Variants in SETD4 observed in about 807,000 individuals in gnomAD.
The protein encoded by SETD4 is SET domain-containing protein 4.
A neutral mutation model predicts 58.3 loss-of-function variants in SETD4; 46 were observed. The observed-to-expected ratio is 0.79, with a 90% CI of 0.62 to 1.01. The LOEUF is 1.01. SETD4 is among the 50% of genes least tolerant of loss of function. SETD4 has a pLI of 0.00. For synonymous variants in SETD4, 190 were observed against 202.6 expected (o/e 0.94, Z 0.53); for missense variants, 490 against 523.3 (o/e 0.94, Z 0.62).
At chr21:36,036,780 C>T (rs190127664) in intron 10 of SETD4, 1 of 231,662 alleles carries the variant, frequency 4.3e-6, no homozygotes, top group Admixed American at 6.5e-5. Context: ...TGGAATCAAC[C>T]TAAGTATTCA....
intron 4 of SETD4, chr21:36,050,631 G>A: frequency 6.2e-7 from 1 of 1,610,876 alleles, no homozygotes; most frequent in Non-Finnish European, 8.5e-7. Flanking sequence ...TGGTGGCCAT[G>A]AAAATTTTGC....
chr21:36,049,086 A>G (rs1024754412), intron 4 of SETD4, among the ~76,000 whole-genome samples: 1 of 152,230 alleles, frequency 6.6e-6, no homozygotes, highest in African/African-American at 2.4e-5. Context: ...CCAACACAGT[A>G]AGCGTCGAAC....
intron 9 of SETD4, among the ~76,000 whole-genome samples, 164 bp downstream of exon 9, chr21:36,040,411 G>C (rs1049974926): frequency 6.6e-6 from 1 of 152,160 alleles, no homozygotes; most frequent in African/African-American, 2.4e-5. Flanking sequence ...TGAAACATTC[G>C]CTACATGGGC....
intron 7 of SETD4, chr21:36,043,358 G>A (rs181295176): frequency 3.4e-6 from 2 of 587,608 alleles, no homozygotes; most frequent in Non-Finnish European, 4.3e-6. Context: ...CAGAAACAAG[G>A]ACTATAGGTA....
intron 10 of SETD4, chr21:36,036,509 C>A (rs1427910330): frequency 4.4e-6 from 2 of 452,630 alleles, no homozygotes; most frequent in African/African-American, 4.3e-5. Flanking sequence ...TCTGTCTCTA[C>A]GAACTCACCT....
intron 4 of SETD4, chr21:36,050,768 T>C (rs1391739141): frequency 3.1e-6 from 5 of 1,612,566 alleles, no homozygotes; most frequent in Non-Finnish European, 4.2e-6. Context: ...GCCATCTTAT[T>C]TGCCATGAAG....
intron 3 of SETD4, among the ~76,000 whole-genome samples, chr21:36,054,255 CAATT>C (rs2064867372): frequency 1.3e-5 from 2 of 152,194 alleles, no homozygotes; most frequent in South Asian, 4.1e-4. Context: ...GCATTAATAC[CAATT>C]AATTCAATAA....
At chr21:36,057,906 G>A (rs530535196) in intron 2 of SETD4, among the ~76,000 whole-genome samples, 1 of 152,278 alleles carries the variant, frequency 6.6e-6, no homozygotes, top group South Asian at 2.1e-4. Flanking sequence ...AAAAAAGTGA[G>A]CTTATCGATA....
chr21:36,046,679 C>T (rs574937966), intron 5 of SETD4, among the ~76,000 whole-genome samples: 3 of 152,308 alleles, frequency 2.0e-5, no homozygotes, highest in Admixed American at 6.5e-5. Context: ...AGCTTTTATT[C>T]CTAAGTTTAC....
In SETD4 at chr21:36,045,683, C is replaced by G. The variant is rs145926295; in HGVS notation, c.625G>C (p.Val209Leu). The change falls in exon 6 of 12, where the codon GTG becomes CTG. Residue 209 changes from valine (V) to leucine (L), a missense_variant. Coordinates refer to ENST00000332131, the MANE Select transcript of SETD4 (RefSeq NM_017438.5). ...TCCCGCTGCCTGGGCCTCAGGTACA[C>G]GGCTCTGGTGTTGACGGTGCACCAA... is the stretch of plus-strand genomic sequence containing the variant. Reference protein sequence around the residue: ...WAWCTVNTRAVYLRPRQRECL... With the variant: ...WAWCTVNTRALYLRPRQRECL... 12 of 1,614,186 alleles carry G rather than the reference C, an allele frequency of 7.4e-6. No individual in the cohort carries two copies. The highest frequency in any genetic ancestry group is 7.6e-6 in the Non-Finnish European group (9 of 1,180,044).
At chr21:36,049,164 G>A (rs975221316) in intron 4 of SETD4, among the ~76,000 whole-genome samples, 2 of 152,164 alleles carry the variant, frequency 1.3e-5, no homozygotes, top group Non-Finnish European at 2.9e-5. Context: ...AGAAAAATTA[G>A]ATGTAAAGTA....
intron 6 of SETD4, among the ~76,000 whole-genome samples, chr21:36,044,421 T>A (rs2064208514): frequency 6.6e-6 from 1 of 152,234 alleles, no homozygotes; most frequent in African/African-American, 2.4e-5. Context: ...GCCCACAGGC[T>A]GTAGTTCGTG....
chr21:36,036,803 TAAAGAA>T (rs916773111), intron 10 of SETD4: 94 of 195,712 alleles, frequency 4.8e-4, no homozygotes, highest in African/African-American at 2.2e-3. Flanking sequence ...AACAGATGAA[TAAAGAA>T]AAAGTGGCAT....
At position 36,040,587 on chromosome 21, in the gene SETD4, T is replaced by TC. The variant is rs767400276; in HGVS notation, c.1051dup (p.Glu351GlyfsTer3). On this transcript the variant is annotated frameshift_variant, in exon 9 of 12. Transcript: ENST00000332131. LOFTEE classifies it high-confidence loss of function. ...ATGTGAAACTTACAATTTCTCAGCT[T>TC]CCAGACATAACAACTTAAGGGCTGT... is the stretch of plus-strand genomic sequence containing the variant. 3 of 1,613,762 alleles carry TC rather than the reference T, an allele frequency of 1.9e-6. No individual in the cohort carries two copies. In the Admixed American group the frequency reaches 5.0e-5, roughly 27 times the overall value.
intron 10 of SETD4, chr21:36,036,599 C>T (rs2063792350): frequency 1.0e-6 from 1 of 962,706 alleles, no homozygotes; most frequent in Non-Finnish European, 1.2e-6. Context: ...ATAATGTCTT[C>T]AAGCTTCATT....
At chr21:36,040,899 G>C (rs1184966893) in intron 8 of SETD4, among the ~76,000 whole-genome samples, 1 of 152,084 alleles carries the variant, frequency 6.6e-6, no homozygotes, top group East Asian at 1.9e-4. Flanking sequence ...AGTGCCTCAC[G>C]CCTGTAATCC....
chr21:36,045,489 C>T, intron 6 of SETD4, 93 bp downstream of exon 6: 1 of 1,474,190 alleles, frequency 6.8e-7, no homozygotes. Flanking sequence ...GACACCTCTC[C>T]CTGTGGTGCC....
Position 36,058,931 on chromosome 21 carries a change from T to C in SETD4, c.-36-7A>G, listed in dbSNP as rs767302869. On this transcript the variant is annotated splice_polypyrimidine_tract_variant and splice_region_variant and intron_variant, in intron 1 of 11. Transcript: ENST00000332131. ...TTTTTTCTGAAATACAGTTCTATTT[T>C]TTCAAAAAGGACAAAACTGTAATTT... 6.5e-7 allele frequency: 1 copy of C among 1,545,218 alleles called. No homozygotes were observed. Among genetic ancestry groups the C allele is most frequent in the South Asian group, 1.3e-5 (1 of 79,052 alleles).
intron 7 of SETD4, chr21:36,042,689 G>A (rs2064121171): frequency 6.6e-6 from 1 of 152,018 alleles, no homozygotes; most frequent in African/African-American, 2.4e-5. Context: ...GTTTTTTCAT[G>A]GCCTAGAAAA....
Sources: gnomAD v4.1 joint callset for allele counts (sites outside exome capture counted in the v4.1 genomes callset) on GRCh38, gnomAD v4.1.1 for gene constraint, MANE v1.5 for transcripts, NCBI Gene and HGNC (gene_info 2026-07-23, HGNC 2026-07-21) for gene names.